Variants in PTPRN2 observed in about 807,000 individuals in gnomAD.
PTPRN2 encodes the protein protein tyrosine phosphatase receptor type N2, also known as receptor-type tyrosine-protein phosphatase N2.
PTPRN2 carries 74 observed loss-of-function variants against 118.8 expected under a neutral mutation model. The ratio of observed to expected loss-of-function variants is 0.62; its 90% confidence interval spans 0.52 to 0.76. PTPRN2 has a LOEUF of 0.76. PTPRN2 is among the 30% of genes least tolerant of loss of function. The probability of loss-of-function intolerance (pLI) is 0.00; values close to 1 mark genes in which losing one functional copy is unlikely to be tolerated. For synonymous variants in PTPRN2, 641 were observed against 608.0 expected, an observed-to-expected ratio of 1.05 and a Z score of -0.80; for missense variants, 1,481 against 1,394.4, an observed-to-expected ratio of 1.06 and a Z score of -0.99.
At chr7:157,789,783 G>A (rs1307135077) in intron 12 of PTPRN2, among the ~76,000 whole-genome samples, 1 of 149,266 alleles carries the variant, frequency 6.7e-6, no homozygotes, top group Non-Finnish European at 1.5e-5. Flanking sequence ...GTGTGTATAT[G>A]GTATGTGTGT....
chr7:158,352,998 G>T (rs1046876184), intron 2 of PTPRN2, among the ~76,000 whole-genome samples: 6 of 152,198 alleles, frequency 3.9e-5, no homozygotes, highest in Non-Finnish European at 8.8e-5. Flanking sequence ...CCTATTCCGG[G>T]TCTCCTAACA....
chr7:157,918,561 C>T (rs928899475), intron 11 of PTPRN2, among the ~76,000 whole-genome samples: 2 of 152,120 alleles, frequency 1.3e-5, no homozygotes, highest in Admixed American at 6.5e-5. Flanking sequence ...AGCAACATAT[C>T]GAAAACAACG....
intron 12 of PTPRN2, among the ~76,000 whole-genome samples, chr7:157,699,947 G>A (rs1797987350): frequency 1.3e-5 from 2 of 152,182 alleles, no homozygotes; most frequent in African/African-American, 4.8e-5. Flanking sequence ...GGTGCTGTCA[G>A]GTACTGAGAC....
intron 14 of PTPRN2, among the ~76,000 whole-genome samples, chr7:157,644,822 A>G (rs926029851): frequency 6.6e-6 from 1 of 151,966 alleles, no homozygotes; most frequent in Admixed American, 6.6e-5. Flanking sequence ...AAAACAAAAA[A>G]CAAAAGAAAA....
intron 2 of PTPRN2, among the ~76,000 whole-genome samples, chr7:158,467,839 C>T (rs1467535307): frequency 6.6e-6 from 1 of 152,158 alleles, no homozygotes; most frequent in Non-Finnish European, 1.5e-5. Flanking sequence ...AATTCTGCTG[C>T]CAAAGACCTG....
intron 12 of PTPRN2, among the ~76,000 whole-genome samples, chr7:157,797,885 G>A (rs1377480087): frequency 1.3e-5 from 2 of 152,172 alleles, no homozygotes; most frequent in Non-Finnish European, 1.5e-5. Flanking sequence ...CAGAGGCCCC[G>A]CAGCTCTCAA....
At chr7:158,357,238 C>T (rs10258124) in intron 2 of PTPRN2, among the ~76,000 whole-genome samples, 6,517 of 152,344 alleles carry the variant, frequency 0.043, 468 homozygotes, top group African/African-American at 0.15. Context: ...GACAAAACGA[C>T]GCCCGGCAGT....
At chr7:157,908,190 C>G (rs1444546545) in intron 11 of PTPRN2, among the ~76,000 whole-genome samples, 2 of 152,332 alleles carry the variant, frequency 1.3e-5, no homozygotes, top group East Asian at 3.9e-4. Context: ...CGCTGCCTGG[C>G]TCTTCCATCC....
At chr7:157,540,913 T>A in intron 22 of PTPRN2, 128 bp from the exon 23 acceptor site, 2 of 708,192 alleles carry the variant, frequency 2.8e-6, no homozygotes, top group East Asian at 2.9e-5. Context: ...CCCCGGGCCA[T>A]TTCGCAGAAA....
At chr7:158,300,333 C>A (rs745653686) in intron 3 of PTPRN2, among the ~76,000 whole-genome samples, 2 of 152,136 alleles carry the variant, frequency 1.3e-5, no homozygotes, top group African/African-American at 4.8e-5. Context: ...TCGTCTGATC[C>A]GACGGCTAGG....
chr7:157,637,230 G>A (rs566683953), intron 14 of PTPRN2, among the ~76,000 whole-genome samples: 1 of 152,238 alleles, frequency 6.6e-6, no homozygotes, highest in South Asian at 2.1e-4. Context: ...ACCAACCTTG[G>A]ATTCCAAACA....
intron 12 of PTPRN2, among the ~76,000 whole-genome samples, chr7:157,878,721 G>GCT (rs1795937158): frequency 1.5e-5 from 2 of 137,516 alleles, no homozygotes; most frequent in South Asian, 2.4e-4. Flanking sequence ...TCACTGAGGA[G>GCT]CTCTCGGATT....
intron 1 of PTPRN2, among the ~76,000 whole-genome samples, chr7:158,500,314 T>C (rs1822268589): frequency 6.6e-6 from 1 of 152,226 alleles, no homozygotes; most frequent in African/African-American, 2.4e-5. Flanking sequence ...CTGAGGTGAA[T>C]TTGAAAAATA....
chr7:158,137,551 A>C (rs10949698), intron 7 of PTPRN2, among the ~76,000 whole-genome samples: 51,808 of 151,910 alleles, frequency 0.34, 9,110 homozygotes, highest in East Asian at 0.5. Context: ...CCTCCTAGCC[A>C]TGGTGCGGGT....
chr7:157,560,303 G>A lies in PTPRN2; in HGVS notation c.2902+8599C>T, dbSNP rs1362424209. On this transcript the variant is annotated intron_variant, in intron 21 of 22. Coordinates refer to ENST00000389418, the MANE Select transcript of PTPRN2 (RefSeq NM_002847.5). The surrounding 1 kb of genome is among the most constrained non-coding windows in gnomAD (Gnocchi z 6.7). ...TGAGGACGGCTCCATGCACAGGGACGAAGACCCCCGAGGAGACCATCGAAG... is the reference window on the plus strand; with the variant it reads ...TGAGGACGGCTCCATGCACAGGGACAAAGACCCCCGAGGAGACCATCGAAG... 2.6e-5 allele frequency among the ~76,000 whole-genome samples: 4 copies of A among 152,246 alleles called. No individual in the cohort carries two copies. The highest frequency in any genetic ancestry group is 1.9e-4 in the East Asian group (1 of 5,170).
chr7:157,876,568 A>G (rs1486516994), intron 12 of PTPRN2, among the ~76,000 whole-genome samples: 1 of 152,228 alleles, frequency 6.6e-6, no homozygotes, highest in Non-Finnish European at 1.5e-5. Context: ...TCTCCCAGGA[A>G]GATGCACAGA....
intron 1 of PTPRN2, among the ~76,000 whole-genome samples, chr7:158,511,675 G>A (rs753091250): frequency 9.2e-5 from 14 of 152,282 alleles, no homozygotes; most frequent in African/African-American, 2.9e-4. Context: ...CCGGCTAAGC[G>A]TCATGTCCCC....
At chr7:158,025,599 C>T (rs1807203717) in intron 11 of PTPRN2, among the ~76,000 whole-genome samples, 1 of 152,338 alleles carries the variant, frequency 6.6e-6, no homozygotes, top group African/African-American at 2.4e-5. Context: ...AAGAAACACA[C>T]ACATATGTGA....
At chr7:157,902,634 C>T (rs890190363) in intron 11 of PTPRN2, among the ~76,000 whole-genome samples, 2 of 152,236 alleles carry the variant, frequency 1.3e-5, no homozygotes, top group Non-Finnish European at 2.9e-5. Flanking sequence ...GCTGTGGAGG[C>T]ACTCAGTGGA....
Sources: gnomAD v4.1 joint callset for allele counts (sites outside exome capture counted in the v4.1 genomes callset) on GRCh38, gnomAD v4.1.1 for gene constraint, Gnocchi (gnomAD v3.1) non-coding constraint, MANE v1.5 for transcripts, NCBI Gene and HGNC (gene_info 2026-07-23, HGNC 2026-07-21) for gene names.